MRPL52: variants seen among roughly 807,000 people sequenced by gnomAD.
The protein encoded by MRPL52 is mitochondrial ribosomal protein L52.
In MRPL52, 19 loss-of-function variants were observed where a neutral mutation model predicts 22.1. That is an observed-to-expected ratio of 0.86 (90% CI 0.60 to 1.26). The LOEUF (loss-of-function observed/expected upper bound fraction) is 1.26. MRPL52 is among the 50% of genes most tolerant of loss of function. MRPL52 has a pLI of 0.00. For synonymous variants in MRPL52, 50 were observed against 57.5 expected, an observed-to-expected ratio of 0.87 and a Z score of 0.59; for missense variants, 152 against 148.1, an observed-to-expected ratio of 1.03 and a Z score of -0.14.
intron 3 of MRPL52, 48 bp from the exon 4 acceptor site, chr14:22,833,370 A>G (rs556782879): frequency 3.3e-6 from 4 of 1,198,628 alleles, no homozygotes; most frequent in Non-Finnish European, 5.0e-6. Context: ...GCACAAGGTG[A>G]TGCAGTCCAT....
chr14:22,831,005 G>A, intron 3 of MRPL52: 2 of 1,506,180 alleles, frequency 1.3e-6, no homozygotes, highest in Non-Finnish European at 1.8e-6. Flanking sequence ...GACTGAGGAA[G>A]ATGGTGAAGA....
chr14:22,833,321 C>A (rs988195276), intron 3 of MRPL52, 97 bp from the exon 4 acceptor site: 4 of 766,642 alleles, frequency 5.2e-6, no homozygotes, highest in Non-Finnish European at 9.4e-6. Flanking sequence ...AAGAGAGGAG[C>A]TAGAGATTGG....
chr14:22,832,501 C>T (rs986518131), intron 3 of MRPL52, among the ~76,000 whole-genome samples: 27 of 151,882 alleles, frequency 1.8e-4, no homozygotes, highest in South Asian at 1.0e-3. Context: ...CCACCACGCC[C>T]GGCTAATTTT....
intron 1 of MRPL52, 27 bp downstream of exon 1, chr14:22,829,967 G>A: frequency 1.2e-6 from 2 of 1,612,070 alleles, no homozygotes; most frequent in Non-Finnish European, 1.7e-6. Context: ...AGGGACCGTG[G>A]ACTCGGGGGC....
chr14:22,831,106 C>CTTGTTTT (rs2039603374), intron 3 of MRPL52: 1 of 140,982 alleles, frequency 7.1e-6, no homozygotes, highest in Non-Finnish European at 1.2e-5. Context: ...CATATGACTG[C>CTTGTTTT]TTTTTTTTTT....
rs2138701870 is a variant in MRPL52, at chr14:22,830,255, G to A, written c.154+1G>A. ...GAGCTCCCAGACTGGTCATATGCGG[G>A]TAAGCGCTGATCTGGCAGTTAACTC... On this transcript the variant is annotated splice_donor_variant, in intron 3 of 4. Transcript: ENST00000397496. LOFTEE classifies it high-confidence loss of function. 6.2e-7 allele frequency: 1 copy of A among 1,614,248 alleles called. No homozygotes were observed. Among genetic ancestry groups the A allele is most frequent in the Non-Finnish European group, 8.5e-7 (1 of 1,180,044 alleles).
rs973269016 is a variant in MRPL52 at position 22,831,190 on chromosome 14, G to A, written c.154+936G>A. 10 of 544,072 alleles carry A rather than the reference G, an allele frequency of 1.8e-5. No homozygotes were observed. The Admixed American group carries it at 3.2e-4, about 17-fold the overall frequency. The allele number at this position is 544,072 out of a possible 1,614,324, so 33.7% of individuals were successfully genotyped here. On this transcript the variant is annotated intron_variant, in intron 3 of 4. Coordinates refer to ENST00000397496, the MANE Select transcript of MRPL52 (RefSeq NM_180982.3). ...TGCAGTGGCATGATCATCGCTCACT[G>A]CAGCCTTGATCTCCTGGGCTCAAGC...
chr14:22,833,764 C>A (rs1032474271), intron 4 of MRPL52, among the ~76,000 whole-genome samples: 3 of 152,132 alleles, frequency 2.0e-5, no homozygotes, highest in Admixed American at 1.3e-4. Flanking sequence ...TGGGATTACA[C>A]ACGTGTGCCA....
rs191970240 is a variant in MRPL52, at chr14:22,834,427, C to T, written c.*106C>T. The T allele has an allele frequency of 2.6e-5, 34 of 1,327,472 alleles. No homozygotes were observed. The highest frequency in any genetic ancestry group is 3.2e-5 in the Non-Finnish European group (32 of 984,772). 82.2% of individuals were successfully genotyped at this position (1,327,472 alleles called of 1,614,324 possible). On this transcript the variant is annotated 3_prime_UTR_variant, in exon 5 of 5. Transcript: ENST00000397496. ...AGCCTTCACGTTCCCCATCTGTCTT[C>T]AGAGAAAAAGAGCTGGGACACCAAG...
chr14:22,830,429 G>A, intron 3 of MRPL52, 175 bp downstream of exon 3: 1 of 655,978 alleles, frequency 1.5e-6, no homozygotes, highest in African/African-American at 1.8e-5. Flanking sequence ...ATTGCATTTC[G>A]ACTAAGGAAG....
intron 3 of MRPL52, 133 bp from the exon 4 acceptor site, chr14:22,833,285 A>C (rs2039663525): frequency 1.5e-6 from 1 of 651,094 alleles, no homozygotes; most frequent in Non-Finnish European, 2.8e-6. Context: ...TTTTAGGATA[A>C]TTAAGCTACA....
intron 3 of MRPL52, chr14:22,830,735 G>A (rs1418474202): frequency 6.5e-6 from 3 of 461,654 alleles, no homozygotes; most frequent in South Asian, 3.5e-5. Context: ...AAAGAGAGAG[G>A]GAGGGAGAAT....
chr14:22,834,125 C>G, intron 4 of MRPL52, 47 bp from the exon 5 acceptor site: 1 of 1,599,938 alleles, frequency 6.3e-7, no homozygotes, highest in East Asian at 2.2e-5. Context: ...TATAGTATAG[C>G]GCTGAAGTCC....
At chr14:22,830,788 T>C in intron 3 of MRPL52, 1 of 532,702 alleles carries the variant, frequency 1.9e-6, no homozygotes, top group South Asian at 2.7e-5. Context: ...AAGTTGAAGC[T>C]ACTCCCCATT....
intron 3 of MRPL52, chr14:22,831,158 G>T: frequency 4.0e-6 from 2 of 502,626 alleles, no homozygotes; most frequent in Non-Finnish European, 6.5e-6. Flanking sequence ...TGTCACCCAG[G>T]CTGAAGTGCA....
chr14:22,831,106 C>CGTTTTTTTTT (rs1555327896), intron 3 of MRPL52: 1 of 140,982 alleles, frequency 7.1e-6, no homozygotes, highest in Non-Finnish European at 1.2e-5. Context: ...CATATGACTG[C>CGTTTTTTTTT]TTTTTTTTTT....
chr14:22,834,434 A>G lies in MRPL52; in HGVS notation c.*113A>G, dbSNP rs1161228830. 2 of 1,217,266 alleles carry G rather than the reference A, an allele frequency of 1.6e-6. No individual in the cohort carries two copies. Among genetic ancestry groups the G allele is most frequent in the Non-Finnish European group, 2.3e-6 (2 of 887,270 alleles). The allele number at this position is 1,217,266 out of a possible 1,614,324, so 75.4% of individuals were successfully genotyped here. The stretch of plus-strand genomic sequence containing the variant: ...ACGTTCCCCATCTGTCTTCAGAGAA[A>G]AAGAGCTGGGACACCAAGAACAAGC... On this transcript the variant is annotated 3_prime_UTR_variant, in exon 5 of 5. Transcript: ENST00000397496.
chr14:22,832,421 A>T (rs2138714823), intron 3 of MRPL52, among the ~76,000 whole-genome samples: 1 of 152,176 alleles, frequency 6.6e-6, no homozygotes, highest in Non-Finnish European at 1.5e-5. Context: ...GCTCACTGCA[A>T]GCTCAGCCTC....
At chr14:22,833,326 G>A (rs1279801732) in intron 3 of MRPL52, 92 bp from the exon 4 acceptor site, 2 of 792,732 alleles carry the variant, frequency 2.5e-6, no homozygotes, top group Non-Finnish European at 4.5e-6. Flanking sequence ...AGGAGCTAGA[G>A]ATTGGTTCTT....
Sources: allele counts gnomAD v4.1 joint callset (sites outside exome capture counted in the v4.1 genomes callset), GRCh38; gene constraint gnomAD v4.1.1; transcripts MANE v1.5; gene names NCBI Gene and HGNC (gene_info 2026-07-23, HGNC 2026-07-21).